AHI1: variants seen among roughly 807,000 people sequenced by gnomAD.
AHI1 encodes Abelson helper integration site 1.
A neutral mutation model predicts 149.3 loss-of-function variants in AHI1; 123 were observed. The observed-to-expected ratio is 0.82, with a 90% CI of 0.71 to 0.96. The LOEUF (loss-of-function observed/expected upper bound fraction) is 0.96. Among genes scored for constraint, AHI1 ranks in the 40% least tolerant of loss-of-function variants. The pLI is 0.00. For missense variants in AHI1, 1,439 were observed against 1,422.7 expected (o/e 1.01, Z -0.18); for synonymous variants, 475 against 459.8 (o/e 1.03, Z -0.42).
At chr6:135,380,637 G>C (rs921204782) in intron 23 of AHI1, among the ~76,000 whole-genome samples, 6 of 151,038 alleles carry the variant, frequency 4.0e-5, no homozygotes, top group Non-Finnish European at 4.4e-5. Flanking sequence ...CTGGGACACT[G>C]TAAGTATGCA....
At chr6:135,421,737 T>C (rs1783192308) in intron 20 of AHI1, among the ~76,000 whole-genome samples, 1 of 152,218 alleles carries the variant, frequency 6.6e-6, no homozygotes, top group Admixed American at 6.5e-5. Context: ...GTTTTCCATA[T>C]GTCTTGAGTT....
At chr6:135,373,881 CATCTT>C in intron 23 of AHI1, among the ~76,000 whole-genome samples, 1 of 151,992 alleles carries the variant, frequency 6.6e-6, no homozygotes, top group East Asian at 1.9e-4. Context: ...CCTTTCATGA[CATCTT>C]AAGAGTTACT....
Position 135,413,598 on chromosome 6 carries a change from A to G in AHI1, c.2765-2054T>C, listed in dbSNP as rs549814626. ...GTTCTCACTCTGAGGTCCTGGCTCC[A>G]TATCTGTGTAAAAATTCTAAATGGA... On this transcript the variant is annotated intron_variant, in intron 20 of 28. Transcript: ENST00000265602. Among the ~76,000 whole-genome samples, 7 of 152,274 alleles carry G rather than the reference A, an allele frequency of 4.6e-5. No individual in the cohort carries two copies. The South Asian group carries it at 1.5e-3, about 32-fold the overall frequency.
At chr6:135,436,929 G>A (rs1785497266) in intron 15 of AHI1, among the ~76,000 whole-genome samples, 1 of 152,128 alleles carries the variant, frequency 6.6e-6, no homozygotes, top group Non-Finnish European at 1.5e-5. Flanking sequence ...AAGATGAGAG[G>A]ACACAATCAA....
chr6:135,363,600 G>A lies in AHI1; in HGVS notation c.3110-5413C>T, dbSNP rs1236071549. On this transcript the variant is annotated intron_variant, in intron 23 of 28. Coordinates refer to ENST00000265602, the MANE Select transcript of AHI1 (RefSeq NM_001134831.2). Reference sequence around the variant, plus strand: ...GACGGGGTGGTGGCCGGGCAGAGGGGCTCCTCACTTCCCAGTAGGGGCGGC... The same window carrying A: ...GACGGGGTGGTGGCCGGGCAGAGGGACTCCTCACTTCCCAGTAGGGGCGGC... Among the ~76,000 whole-genome samples, 13 of 152,068 alleles carry A rather than the reference G, an allele frequency of 8.5e-5. No individual in the cohort carries two copies. The East Asian group carries it at 2.1e-3, about 25-fold the overall frequency.
intron 3 of AHI1, 146 bp from the exon 4 acceptor site, chr6:135,492,437 T>C: frequency 1.2e-5 from 15 of 1,270,818 alleles, no homozygotes; most frequent in Non-Finnish European, 1.5e-5. Context: ...CCCAATCTTA[T>C]GCAAATGACT....
intron 5 of AHI1, 37 bp from the exon 6 acceptor site, chr6:135,467,671 T>C (rs1357728352): frequency 2.1e-6 from 3 of 1,444,512 alleles, no homozygotes; most frequent in Middle Eastern, 1.8e-4. Context: ...CAGCTAAGCG[T>C]AGATTAGTTG....
intron 23 of AHI1, among the ~76,000 whole-genome samples, chr6:135,364,199 C>G (rs1413885775): frequency 2.0e-5 from 3 of 151,674 alleles, no homozygotes; most frequent in Non-Finnish European, 4.4e-5. Flanking sequence ...GGCAGAGGGT[C>G]TCCTCACTTC....
In AHI1 at chr6:135,457,581, A is replaced by G; in HGVS notation, c.1064T>C (p.Leu355Pro). 6.2e-7 allele frequency: 1 copy of G among 1,613,988 alleles called. No homozygotes were observed. The highest frequency in any genetic ancestry group is 8.5e-7 in the Non-Finnish European group (1 of 1,179,866). Residue 355 changes from leucine (L) to proline (P), a missense_variant, in exon 9 of 29, where the codon CTT becomes CCT. Physicochemically the swap from Leu to Pro is moderately conservative, Grantham distance 98 (BLOSUM62 -3). Transcript: ENST00000265602. ...LGVYIHRTDR[L>P]KSDFMISHPM... ...GTGAGAAATCATAAAATCTGACTTAAGTCTATCAGTTCGGTGAATGTAAAC... is the reference window on the plus strand; with the variant it reads ...GTGAGAAATCATAAAATCTGACTTAGGTCTATCAGTTCGGTGAATGTAAAC...
chr6:135,467,669 CG>C, intron 5 of AHI1, 35 bp from the exon 6 acceptor site: 1 of 1,465,494 alleles, frequency 6.8e-7, no homozygotes, highest in Non-Finnish European at 9.4e-7. Context: ...TTCAGCTAAG[CG>C]TAGATTAGTT....
chr6:135,386,772 A>G (rs1777657202), intron 23 of AHI1, among the ~76,000 whole-genome samples: 1 of 151,904 alleles, frequency 6.6e-6, no homozygotes, highest in Non-Finnish European at 1.5e-5. Context: ...CTGGGATTAC[A>G]GGCGCCCACC....
intron 26 of AHI1, among the ~76,000 whole-genome samples, chr6:135,311,041 C>G (rs12208668): frequency 0.14 from 21,696 of 151,984 alleles, 1,900 homozygotes; most frequent in Non-Finnish European, 0.2. Flanking sequence ...GTGGCTCACA[C>G]TTGTCATCGC....
intron 24 of AHI1, among the ~76,000 whole-genome samples, chr6:135,345,724 TTAGA>T (rs1791096125): frequency 1.3e-5 from 2 of 152,106 alleles, no homozygotes; most frequent in African/African-American, 2.4e-5. Context: ...TGTTTTAAAA[TTAGA>T]TAGAGGTGAT....
chr6:135,460,605 G>C (rs1207776942), intron 8 of AHI1, among the ~76,000 whole-genome samples: 1 of 152,114 alleles, frequency 6.6e-6, no homozygotes, highest in Non-Finnish European at 1.5e-5. Context: ...AATCCATACA[G>C]AAATGCAAAG....
chr6:135,462,156 TTTAA>T (rs1391265238), intron 8 of AHI1, among the ~76,000 whole-genome samples: 1 of 152,024 alleles, frequency 6.6e-6, no homozygotes, highest in African/African-American at 2.4e-5. Context: ...ATTTTAAAAT[TTTAA>T]TTATAGAAAC....
Position 135,340,358 on chromosome 6 carries a change from G to A in AHI1, c.3166-17034C>T, listed in dbSNP as rs142294616. Among the ~76,000 whole-genome samples, 1,149 of 151,010 alleles carry A rather than the reference G, an allele frequency of 7.6e-3. 12 individuals carry two copies. Among genetic ancestry groups the A allele is most frequent in the African/African-American group, 0.026 (1,080 of 41,156 alleles). The stretch of plus-strand genomic sequence containing the variant: ...TGCACTCCATCCTGGGCGACAGAGC[G>A]AGACTCTGTCTCAAAAAACAAAAAC... On this transcript the variant is annotated intron_variant, in intron 24 of 28. Transcript: ENST00000265602.
intron 26 of AHI1, among the ~76,000 whole-genome samples, chr6:135,312,144 C>G (rs1785290051): frequency 6.6e-6 from 1 of 152,166 alleles, no homozygotes; most frequent in East Asian, 1.9e-4. Context: ...AGGTTTGTTT[C>G]CTTTTTTCAT....
intron 22 of AHI1, among the ~76,000 whole-genome samples, chr6:135,400,367 A>G (rs1222389023): frequency 6.6e-6 from 1 of 152,062 alleles, no homozygotes; most frequent in Non-Finnish European, 1.5e-5. Flanking sequence ...ATACATTACC[A>G]CTTTACCTTT....
chr6:135,385,818 C>CA (rs1245490889), intron 23 of AHI1, among the ~76,000 whole-genome samples: 12 of 152,068 alleles, frequency 7.9e-5, no homozygotes, highest in African/African-American at 2.2e-4. Context: ...AAAACAAAAA[C>CA]AAAACAAAAC....
Sources: gnomAD v4.1 joint callset for allele counts (sites outside exome capture counted in the v4.1 genomes callset) on GRCh38, gnomAD v4.1.1 for gene constraint, MANE v1.5 for transcripts, NCBI Gene and HGNC (gene_info 2026-07-23, HGNC 2026-07-21) for gene names.